MATN2: variants seen among roughly 807,000 people sequenced by gnomAD.
The protein encoded by MATN2 is matrilin-2.
In MATN2, 69 loss-of-function variants were observed where a neutral mutation model predicts 103.2. The ratio of observed to expected loss-of-function variants is 0.67; its 90% CI spans 0.55 to 0.82. The LOEUF is 0.82. MATN2 is among the 40% of genes least tolerant of loss of function. The pLI, the probability that MATN2 is intolerant of heterozygous loss-of-function variation, is 0.00. For synonymous variants in MATN2, 429 were observed against 450.2 expected, an observed-to-expected ratio of 0.95 and a Z score of 0.60; for missense variants, 1,023 against 1,211.5, an observed-to-expected ratio of 0.84 and a Z score of 2.31.
At chr8:97,942,996 G>C (rs1036101020) in intron 4 of MATN2, among the ~76,000 whole-genome samples, 1 of 152,036 alleles carries the variant, frequency 6.6e-6, no homozygotes, top group African/African-American at 2.4e-5. Context: ...GGGGTGGGGT[G>C]GGCGGTATGT....
intron 6 of MATN2, among the ~76,000 whole-genome samples, chr8:97,984,695 C>T (rs1812136318): frequency 6.6e-6 from 1 of 152,176 alleles, no homozygotes; most frequent in Non-Finnish European, 1.5e-5. Context: ...AAACACACTC[C>T]AGTAAGAGTA....
chr8:98,033,531 G>T, intron 17 of MATN2, 30 bp from the exon 18 acceptor site: 1 of 1,242,850 alleles, frequency 8.0e-7, no homozygotes, highest in South Asian at 1.4e-5. Flanking sequence ...GTGGATTCTA[G>T]AGGTGAACAC....
chr8:97,913,997 T>C (rs1809538244), intron 2 of MATN2, among the ~76,000 whole-genome samples: 1 of 152,220 alleles, frequency 6.6e-6, no homozygotes, highest in African/African-American at 2.4e-5. Context: ...GGGCCCATCG[T>C]TGACCTAAAC....
At position 97,979,006 on chromosome 8, in the gene MATN2, CAAGT is replaced by C. The variant is rs773924132; in HGVS notation, c.1081+3_1081+6del. On this transcript the variant is annotated splice_donor_variant and coding_sequence_variant, in exon 6 of 19. Transcript: ENST00000254898. LOFTEE classifies it high-confidence loss of function. Reference sequence around the variant, plus strand: ...CTTAACCCAGATAAAAAAACGTGCACAAGTAAGTTACACACACATGCACACACAG... The same window carrying C: ...CTTAACCCAGATAAAAAAACGTGCACAAGTTACACACACATGCACACACAG... 1.2e-5 allele frequency: 20 copies of C among 1,610,430 alleles called. No individual in the cohort carries two copies. The South Asian group carries it at 1.4e-4, about 12-fold the overall frequency.
intron 11 of MATN2, 133 bp from the exon 12 acceptor site, chr8:98,017,861 C>T (rs1813419675): frequency 1.1e-6 from 1 of 939,798 alleles, no homozygotes; most frequent in Non-Finnish European, 1.6e-6. Context: ...TTGTAACTTC[C>T]TGCCCCATGG....
chr8:97,913,601 C>G (rs1223387110), intron 2 of MATN2, among the ~76,000 whole-genome samples: 1 of 149,162 alleles, frequency 6.7e-6, no homozygotes, highest in Admixed American at 6.8e-5. Context: ...AGGTATATGC[C>G]ACTGCACCCT....
chr8:97,945,717 A>ATATAT (rs1554605715), intron 4 of MATN2, among the ~76,000 whole-genome samples: 2,404 of 121,756 alleles, frequency 0.02, 38 homozygotes, highest in East Asian at 0.072. Context: ...AAAAAAAAAA[A>ATATAT]ATATATATAT....
chr8:97,978,493 T>TC (rs1811911388), intron 5 of MATN2, among the ~76,000 whole-genome samples: 1 of 152,222 alleles, frequency 6.6e-6, no homozygotes, highest in Admixed American at 6.5e-5. Context: ...CAAATTGCCT[T>TC]CCAAAAGGAT....
intron 10 of MATN2, among the ~76,000 whole-genome samples, chr8:98,012,659 C>T (rs529334137): frequency 1.3e-5 from 2 of 152,268 alleles, no homozygotes; most frequent in South Asian, 2.1e-4. Context: ...GCTGGCCTCT[C>T]TTGAGAAAAT....
chr8:97,935,026 C>G (rs150365876), intron 3 of MATN2, among the ~76,000 whole-genome samples: 135 of 152,254 alleles, frequency 8.9e-4, no homozygotes, highest in African/African-American at 3.1e-3. Flanking sequence ...GTGCTAGGTA[C>G]TTTCAAATAC....
chr8:97,885,618 A>G (rs1818395367), intron 1 of MATN2, among the ~76,000 whole-genome samples: 1 of 152,244 alleles, frequency 6.6e-6, no homozygotes, highest in Non-Finnish European at 1.5e-5. Context: ...AAGCTATGAA[A>G]AGGGATCAAT....
In MATN2 at chr8:97,953,524, C is replaced by T. The variant is rs183175765; in HGVS notation, c.836-7884C>T. On this transcript the variant is annotated intron_variant, in intron 4 of 18. Transcript: ENST00000254898. The stretch of plus-strand genomic sequence containing the variant: ...GTATTTTGCTGAGCGTGGTGGCTCA[C>T]GCCTGTAATCCCAGCACTTTGGGAG... 2.2e-3 allele frequency among the ~76,000 whole-genome samples: 337 copies of T among 152,258 alleles called. 1 individual carries two copies. Among genetic ancestry groups the T allele is most frequent in the African/African-American group, 7.6e-3 (316 of 41,546 alleles).
intron 2 of MATN2, among the ~76,000 whole-genome samples, chr8:97,928,218 C>CTTT (rs34226792): frequency 2.9e-4 from 26 of 89,290 alleles, no homozygotes; most frequent in African/African-American, 7.7e-4. Flanking sequence ...GCACTCCTGC[C>CTTT]TTTTTTTTTT....
chr8:97,941,724 G>A (rs1563681438), intron 3 of MATN2, 53 bp from the exon 4 acceptor site: 3 of 1,539,794 alleles, frequency 1.9e-6, no homozygotes, highest in Non-Finnish European at 2.6e-6. Flanking sequence ...TGGCTGGAAT[G>A]GAGTGAGAAA....
In MATN2 at chr8:97,919,555, T is replaced by C. The variant is rs745987917; in HGVS notation, c.143-11398T>C. On this transcript the variant is annotated intron_variant, in intron 2 of 18. Transcript: ENST00000254898. ...CCGTCCCCACCTCTTTCTGATGTTA[T>C]CGAGCTGTCGAGTATCCCAGCTGCA... 2.6e-5 allele frequency among the ~76,000 whole-genome samples: 4 copies of C among 152,310 alleles called. 1 individual carries two copies. The highest frequency in any genetic ancestry group is 2.6e-4 in the Admixed American group (4 of 15,296).
intron 2 of MATN2, among the ~76,000 whole-genome samples, chr8:97,901,241 C>T (rs1265055577): frequency 6.6e-6 from 1 of 152,008 alleles, no homozygotes; most frequent in Non-Finnish European, 1.5e-5. Context: ...AAAATGGTTT[C>T]ATTCTGATAC....
chr8:98,014,340 T>C (rs938859969), intron 10 of MATN2, among the ~76,000 whole-genome samples: 2 of 152,138 alleles, frequency 1.3e-5, no homozygotes, highest in Non-Finnish European at 2.9e-5. Flanking sequence ...GTTGTCTATA[T>C]CATGGATCAC....
chr8:97,903,349 A>C (rs17755558), intron 2 of MATN2, among the ~76,000 whole-genome samples: 4,524 of 152,276 alleles, frequency 0.03, 78 homozygotes, highest in Middle Eastern at 0.061. Flanking sequence ...GGAGTACCTG[A>C]ATGACAAGAT....
intron 2 of MATN2, among the ~76,000 whole-genome samples, chr8:97,907,114 C>T (rs1205007333): frequency 1.3e-5 from 2 of 150,304 alleles, no homozygotes; most frequent in Admixed American, 6.7e-5. Context: ...GATTCTCTTG[C>T]CTCAGCCTCC....
Sources: gnomAD v4.1 joint callset for allele counts (sites outside exome capture counted in the v4.1 genomes callset) on GRCh38, gnomAD v4.1.1 for gene constraint, MANE v1.5 for transcripts, NCBI Gene and HGNC (gene_info 2026-07-23, HGNC 2026-07-21) for gene names.